MLIP: variants seen among roughly 807,000 people sequenced by gnomAD.
MLIP encodes the protein muscular LMNA-interacting protein.
Under a neutral mutation model 84.8 loss-of-function variants are expected in MLIP, and 79 were observed. The ratio of observed to expected loss-of-function variants is 0.93; its 90% confidence interval spans 0.78 to 1.12. The LOEUF is 1.12. Ranked by LOEUF, MLIP falls within the 50% of genes most tolerant of loss-of-function variation. The pLI, the probability that MLIP is intolerant of heterozygous loss-of-function variation, is 0.00. For missense variants in MLIP, 1,257 were observed against 1,160.6 expected (o/e 1.08, Z -1.21); for synonymous variants, 504 against 463.0 (o/e 1.09, Z -1.14).
chr6:54,036,334 C>T (rs1405765759), intron 1 of MLIP, among the ~76,000 whole-genome samples: 1 of 151,242 alleles, frequency 6.6e-6, no homozygotes, highest in Admixed American at 6.6e-5. Flanking sequence ...CACAAGCATT[C>T]CTATACACCA....
chr6:54,179,781 A>G (rs1273377881), intron 9 of MLIP, among the ~76,000 whole-genome samples: 1 of 152,010 alleles, frequency 6.6e-6, no homozygotes, highest in Non-Finnish European at 1.5e-5. Context: ...AGTTGTAATT[A>G]TTATTTTTGA....
chr6:54,083,394 G>A, intron 1 of MLIP: 2 of 1,352,298 alleles, frequency 1.5e-6, no homozygotes, highest in Non-Finnish European at 2.0e-6. Flanking sequence ...TTCCAGTCCA[G>A]AGTTGTTGGG....
chr6:54,086,266 C>A (rs1767481573), intron 1 of MLIP, among the ~76,000 whole-genome samples: 1 of 152,094 alleles, frequency 6.6e-6, no homozygotes, highest in Non-Finnish European at 1.5e-5. Context: ...TGTTTAAATT[C>A]TAGGCTCATA....
intron 11 of MLIP, among the ~76,000 whole-genome samples, chr6:54,222,000 C>T (rs1489521744): frequency 6.6e-6 from 1 of 151,864 alleles, no homozygotes; most frequent in Admixed American, 6.6e-5. Flanking sequence ...TTTCATGAAA[C>T]TTTATCAAAG....
chr6:54,085,657 C>T (rs542626912), intron 1 of MLIP, among the ~76,000 whole-genome samples: 282 of 152,212 alleles, frequency 1.9e-3, no homozygotes, highest in Non-Finnish European at 3.2e-3. Flanking sequence ...TTTTACAAAC[C>T]CAGCTGCAGT....
rs759507492 is a variant in MLIP, at chr6:54,169,580, C to T, written c.2544+8C>T. On this transcript the variant is annotated splice_region_variant and intron_variant, in intron 9 of 13. Coordinates refer to ENST00000502396, the MANE Select transcript of MLIP (RefSeq NM_001281747.2). ...GGTCGAGAAACCAAATATGTAAGTA[C>T]CTTTATAATTATACACACTGCTTTT... The T allele has an allele frequency of 6.3e-7, 1 of 1,578,844 alleles. No individual in the cohort carries two copies. The highest frequency in any genetic ancestry group is 8.6e-7 in the Non-Finnish European group (1 of 1,159,836).
At chr6:54,030,692 T>A (rs1274561556) in intron 1 of MLIP, 1 of 151,926 alleles carries the variant, frequency 6.6e-6, no homozygotes, top group East Asian at 1.9e-4. Context: ...AATTAATTAA[T>A]TTTTTTACTT....
intron 5 of MLIP, among the ~76,000 whole-genome samples, chr6:54,153,908 A>T (rs1461643682): frequency 6.6e-6 from 1 of 151,948 alleles, no homozygotes. Flanking sequence ...CTTATTGCTA[A>T]TTTAGCACAT....
chr6:54,140,265 T>C (rs981758980), intron 4 of MLIP, among the ~76,000 whole-genome samples: 2 of 152,154 alleles, frequency 1.3e-5, no homozygotes, highest in African/African-American at 4.8e-5. Context: ...TTTTCTCCTG[T>C]TTTGGATATA....
intron 5 of MLIP, among the ~76,000 whole-genome samples, chr6:54,155,577 T>G (rs767755710): frequency 2.0e-5 from 3 of 152,096 alleles, no homozygotes; most frequent in Non-Finnish European, 2.9e-5. Flanking sequence ...TTTTAGAACT[T>G]CATCCTATAT....
chr6:54,112,820 G>A (rs921952454), intron 1 of MLIP, among the ~76,000 whole-genome samples: 9 of 152,070 alleles, frequency 5.9e-5, no homozygotes, highest in African/African-American at 2.2e-4. Flanking sequence ...AAATTTTTTA[G>A]GCAGTACCGT....
chr6:54,139,821 A>G lies in MLIP; in HGVS notation c.2217+1535A>G, dbSNP rs566062154. Among the ~76,000 whole-genome samples, 10 of 152,276 alleles carry G rather than the reference A, an allele frequency of 6.6e-5. No individual in the cohort carries two copies. The East Asian group carries it at 1.7e-3, about 26-fold the overall frequency. On this transcript the variant is annotated intron_variant, in intron 4 of 13. Transcript: ENST00000502396. Reference sequence around the variant, plus strand: ...ATTTATTGCTACAAAGAAATAACTCATGTTAGCAATTTAGCCTGACTTTAC... The same window carrying G: ...ATTTATTGCTACAAAGAAATAACTCGTGTTAGCAATTTAGCCTGACTTTAC...
At position 54,112,422 on chromosome 6, in the gene MLIP, T is replaced by C. The variant is rs577346822; in HGVS notation, c.96+847T>C. Among the ~76,000 whole-genome samples, 4 of 152,284 alleles carry C rather than the reference T, an allele frequency of 2.6e-5. No individual in the cohort carries two copies. The South Asian group carries it at 8.3e-4, about 32-fold the overall frequency. On this transcript the variant is annotated intron_variant, in intron 1 of 13. Transcript: ENST00000502396. ...TTGTGAATGAGTATTAGATCCTTGG[T>C]AAGTTAAGGATGCTAGGTAAAGGTG...
intron 11 of MLIP, 62 bp downstream of exon 11, chr6:54,202,295 T>C (rs960372034): frequency 6.7e-6 from 5 of 742,104 alleles, no homozygotes; most frequent in Non-Finnish European, 9.0e-6. Flanking sequence ...ATAAAATATA[T>C]ATAAATATAT....
intron 11 of MLIP, among the ~76,000 whole-genome samples, chr6:54,223,792 C>T (rs974403484): frequency 6.6e-6 from 1 of 151,446 alleles, no homozygotes; most frequent in East Asian, 1.9e-4. Flanking sequence ...TAAAACTAAG[C>T]CTTTTAAAAA....
chr6:54,151,490 G>A (rs535782741), intron 5 of MLIP, among the ~76,000 whole-genome samples: 1 of 152,188 alleles, frequency 6.6e-6, no homozygotes, highest in African/African-American at 2.4e-5. Context: ...TAATCTTGAG[G>A]AACTCTTCTA....
At chr6:54,153,721 A>G (rs1181462522) in intron 5 of MLIP, among the ~76,000 whole-genome samples, 2 of 151,810 alleles carry the variant, frequency 1.3e-5, no homozygotes, top group African/African-American at 4.8e-5. Flanking sequence ...GTATGGTGGC[A>G]GATGCCTGTA....
chr6:54,219,847 A>G (rs769234599), intron 11 of MLIP, among the ~76,000 whole-genome samples: 1 of 152,210 alleles, frequency 6.6e-6, no homozygotes, highest in Non-Finnish European at 1.5e-5. Context: ...TCAGTTGGCC[A>G]TTCCTTAAGC....
rs190013728 is a variant in MLIP, at chr6:54,187,401, C to T, written c.2545-2469C>T. On this transcript the variant is annotated intron_variant, in intron 9 of 13. Transcript: ENST00000502396. ...CAAATACAAGCAACATGGTATTTAA[C>T]GAGGGGGGACTATAACAAATCTGGA... Among the ~76,000 whole-genome samples the T allele has an allele frequency of 5.9e-4, 90 of 152,030 alleles. 1 individual carries two copies. The highest frequency in any genetic ancestry group is 2.0e-3 in the African/African-American group (83 of 41,450).
Sources: allele counts gnomAD v4.1 joint callset (sites outside exome capture counted in the v4.1 genomes callset), GRCh38; gene constraint gnomAD v4.1.1; transcripts MANE v1.5; gene names NCBI Gene and HGNC (gene_info 2026-07-23, HGNC 2026-07-21).